The following SAMD4B variants were observed in gnomAD, a reference collection of about 807,000 sequenced individuals.
The protein encoded by SAMD4B is protein Smaug homolog 2.
SAMD4B carries 5 observed loss-of-function variants against 74.5 expected under a neutral mutation model. The observed-to-expected ratio is 0.07, with a 90% CI of 0.04 to 0.14. The LOEUF is 0.14. Among genes scored for constraint, SAMD4B ranks in the 10% least tolerant of loss-of-function variants. SAMD4B has a pLI of 1.00. For missense variants in SAMD4B, 608 were observed against 921.8 expected (o/e 0.66, Z 4.41); for synonymous variants, 373 against 374.9 (o/e 1.00, Z 0.06).
At chr19:39,386,608 G>T (rs1193011120), downstream of SAMD4B, 1 of 1,610,570 alleles carries the variant, frequency 6.2e-7, no homozygotes, top group East Asian at 2.2e-5. The surrounding 1 kb of genome is among the most constrained non-coding windows in gnomAD (Gnocchi z 6.1). Context: ...GGGAAGGAGG[G>T]TGTTCTGCTG....
In SAMD4B at chr19:39,383,784, G is replaced by A. The variant is rs1010054130; in HGVS notation, c.*257G>A. 7.9e-6 allele frequency: 11 copies of A among 1,391,340 alleles called. No individual in the cohort carries two copies. The African/African-American group carries it at 1.4e-4, about 18-fold the overall frequency. The allele number at this position is 1,391,340 out of a possible 1,614,324, so 86.2% of individuals were successfully genotyped here. A position where few individuals can be genotyped will look rare whatever the true frequency, so the allele number is the denominator to read the frequency against. On this transcript the variant is annotated 3_prime_UTR_variant, in exon 14 of 14. Transcript: ENST00000610417. This position sits in a 1 kb window ranked among gnomAD's most constrained non-coding sequence, Gnocchi z 4.1. Reference sequence around the variant, plus strand: ...AAAGGGGGCAGGGACTGGCCAGACTGCCTGCCTCTCTCCTTTCCTTCCTCA... The same window carrying A: ...AAAGGGGGCAGGGACTGGCCAGACTACCTGCCTCTCTCCTTTCCTTCCTCA...
chr19:39,374,795 C>T (rs1366989162), intron 4 of SAMD4B, among the ~76,000 whole-genome samples: 9 of 152,236 alleles, frequency 5.9e-5, no homozygotes, highest in South Asian at 2.1e-4. Flanking sequence ...GAGCCCAGAT[C>T]GTGCCACTGC....
intron 3 of SAMD4B, among the ~76,000 whole-genome samples, chr19:39,359,221 C>T (rs1315651248): frequency 1.3e-5 from 2 of 152,222 alleles, no homozygotes; most frequent in African/African-American, 4.8e-5. Flanking sequence ...TCACACATCC[C>T]CACTGTCCCA....
downstream of SAMD4B, chr19:39,388,327 T>G (rs1367062564): frequency 1.2e-6 from 2 of 1,613,642 alleles, no homozygotes; most frequent in Non-Finnish European, 1.7e-6. Flanking sequence ...CAGATAGGAG[T>G]GTGCTGAGTA....
intron 4 of SAMD4B, among the ~76,000 whole-genome samples, chr19:39,371,583 G>T (rs181811219): frequency 6.6e-6 from 1 of 152,144 alleles, no homozygotes; most frequent in African/African-American, 2.4e-5. Context: ...TTGGGAGGCC[G>T]AGGCAGGCAG....
At chr19:39,359,501 G>A (rs1413845800) in intron 3 of SAMD4B, among the ~76,000 whole-genome samples, 1 of 152,140 alleles carries the variant, frequency 6.6e-6, no homozygotes, top group Non-Finnish European at 1.5e-5. Flanking sequence ...TAATACATAT[G>A]GCCAAACATG....
At chr19:39,377,885 C>G (rs184515468) in intron 8 of SAMD4B, 61 bp downstream of exon 8, 1 of 1,476,380 alleles carries the variant, frequency 6.8e-7, no homozygotes, top group African/African-American at 1.4e-5. Flanking sequence ...AACCCAAGCA[C>G]CAGGGATCAA....
intron 3 of SAMD4B, among the ~76,000 whole-genome samples, chr19:39,361,044 G>A (rs1010480444): frequency 1.3e-5 from 2 of 152,044 alleles, no homozygotes; most frequent in Non-Finnish European, 2.9e-5. Context: ...TGACCCTCTC[G>A]GGCCTCAGGA....
intron 2 of SAMD4B, among the ~76,000 whole-genome samples, chr19:39,355,904 TGG>T (rs1233895468): frequency 6.6e-6 from 1 of 152,144 alleles, no homozygotes; most frequent in Non-Finnish European, 1.5e-5. Context: ...AGTTTAGGTT[TGG>T]AGTCTTCAGG....
At chr19:39,388,388 A>C, downstream of SAMD4B, 5 of 1,613,982 alleles carry the variant, frequency 3.1e-6, no homozygotes, top group Non-Finnish European at 4.2e-6. Flanking sequence ...CGGAAGATGA[A>C]GAAGTAGTTT....
Position 39,384,806 on chromosome 19 carries a change from T to A in SAMD4B, c.*1279T>A, listed in dbSNP as rs375170574. The stretch of plus-strand genomic sequence containing the variant: ...TTTTCACACCGAAAAGGAAAAAAAA[T>A]GTTATTTTTAGATACATTTTATGAA... On this transcript the variant is annotated 3_prime_UTR_variant, in exon 14 of 14. Coordinates refer to ENST00000610417, the MANE Select transcript of SAMD4B (RefSeq NM_001384574.2). 3 of 152,414 alleles carry A rather than the reference T, an allele frequency of 2.0e-5. No homozygotes were observed. The highest frequency in any genetic ancestry group is 6.6e-5 in the Admixed American group (1 of 15,250). The allele number at this position is 152,414 out of a possible 1,614,324, so 9.4% of individuals were successfully genotyped here.
chr19:39,365,993 G>A (rs2076939588), intron 3 of SAMD4B, among the ~76,000 whole-genome samples: 1 of 152,072 alleles, frequency 6.6e-6, no homozygotes, highest in Non-Finnish European at 1.5e-5. Context: ...TTGAGAGCAG[G>A]AATTTGAGAC....
At chr19:39,366,496 G>T (rs529043175) in intron 3 of SAMD4B, among the ~76,000 whole-genome samples, 1 of 152,276 alleles carries the variant, frequency 6.6e-6, no homozygotes, top group East Asian at 1.9e-4. Flanking sequence ...TAACAAACAG[G>T]TGTTCTCTCT....
At chr19:39,369,574 A>G (rs1259694309) in intron 3 of SAMD4B, 81 bp from the exon 4 acceptor site, 3 of 1,065,866 alleles carry the variant, frequency 2.8e-6, no homozygotes, top group Non-Finnish European at 4.1e-6. Context: ...AGCTGAGGGA[A>G]TAGGCCATAG....
rs944441977 is a variant in SAMD4B at position 39,342,449 on chromosome 19, C to T, written c.-394C>T. 2.8e-5 allele frequency: 5 copies of T among 179,824 alleles called. No homozygotes were observed. The highest frequency in any genetic ancestry group is 3.2e-4 in the East Asian group (2 of 6,346). 11.1% of individuals were successfully genotyped at this position (179,824 alleles called of 1,614,324 possible). On this transcript the variant is annotated 5_prime_UTR_variant, in exon 1 of 14. Coordinates refer to ENST00000610417, the MANE Select transcript of SAMD4B (RefSeq NM_001384574.2). Reference sequence around the variant, plus strand: ...GCGCGGTGACGCAGCGCGACGGCGGCGGCGGCGGCGGCGGCGGTGGTCGGT... The same window carrying T: ...GCGCGGTGACGCAGCGCGACGGCGGTGGCGGCGGCGGCGGCGGTGGTCGGT...
intron 7 of SAMD4B, 65 bp downstream of exon 7, chr19:39,376,856 G>T: frequency 7.0e-7 from 1 of 1,428,888 alleles, no homozygotes; most frequent in East Asian, 2.3e-5. Context: ...TAGACCAAAG[G>T]CCCTGAGTTG....
chr19:39,380,446 C>T, intron 10 of SAMD4B, 141 bp from the exon 11 acceptor site: 1 of 881,766 alleles, frequency 1.1e-6, no homozygotes, highest in South Asian at 1.5e-5. Context: ...AGGGGGTACC[C>T]TTGGGGCAGA....
intron 1 of SAMD4B, among the ~76,000 whole-genome samples, chr19:39,347,202 A>G (rs2075755622): frequency 6.6e-6 from 1 of 152,208 alleles, no homozygotes; most frequent in South Asian, 2.1e-4. Context: ...ATCCTCAACA[A>G]GCTTCTGCTT....
chr19:39,356,943 G>A lies in SAMD4B; in HGVS notation c.50G>A (p.Trp17Ter). Residue 17 changes from tryptophan (W) to a stop codon, truncating the protein, a stop_gained, in exon 3 of 14, where the codon TGG (tryptophan) becomes TAG (stop). Transcript: ENST00000610417. LOFTEE classifies it high-confidence loss of function. ...ATCCTCGCTGGCTGGTTCAAAGGCTGGAATGAGTGTGAGCAGACAGTGGCC... is the reference window on the plus strand; with the variant it reads ...ATCCTCGCTGGCTGGTTCAAAGGCTAGAATGAGTGTGAGCAGACAGTGGCC... ...VGILAGWFKG[W>*]NECEQTVALL... The A allele has an allele frequency of 6.2e-7, 1 of 1,613,910 alleles. No individual in the cohort carries two copies. The highest frequency in any genetic ancestry group is 8.5e-7 in the Non-Finnish European group (1 of 1,179,930).
Sources: allele counts gnomAD v4.1 joint callset (sites outside exome capture counted in the v4.1 genomes callset), GRCh38; gene constraint gnomAD v4.1.1; non-coding constraint Gnocchi (gnomAD v3.1); transcripts MANE v1.5; gene names NCBI Gene and HGNC (gene_info 2026-07-23, HGNC 2026-07-21).